The following MED13 variants were observed in gnomAD, a reference collection of about 807,000 sequenced individuals.
MED13 encodes the protein mediator of RNA polymerase II transcription subunit 13.
Under a neutral mutation model 225.2 loss-of-function variants are expected in MED13, and 23 were observed. The ratio of observed to expected loss-of-function variants is 0.10; its 90% CI spans 0.07 to 0.14. The LOEUF (loss-of-function observed/expected upper bound fraction) is 0.14. Among genes scored for constraint, MED13 ranks in the 10% least tolerant of loss-of-function variants. The pLI is 1.00. For synonymous variants in MED13, 942 were observed against 889.2 expected (o/e 1.06, Z -1.06); for missense variants, 2,197 against 2,594.5 (o/e 0.85, Z 3.33).
chr17:62,021,202 G>C (rs1387390357), intron 8 of MED13, among the ~76,000 whole-genome samples: 1 of 150,952 alleles, frequency 6.6e-6, no homozygotes, highest in African/African-American at 2.4e-5. Context: ...TGAGCTGTTG[G>C]GTACACCTCC....
chr17:61,976,598 G>A (rs1307091421), intron 16 of MED13, among the ~76,000 whole-genome samples: 1 of 152,120 alleles, frequency 6.6e-6, no homozygotes, highest in Non-Finnish European at 1.5e-5. Context: ...TTAGAACAGA[G>A]CTTTGTCTAT....
At chr17:62,044,670 T>C (rs2080883509) in intron 3 of MED13, among the ~76,000 whole-genome samples, 1 of 152,248 alleles carries the variant, frequency 6.6e-6, no homozygotes, top group African/African-American at 2.4e-5. Context: ...TACTCTATAT[T>C]GCCTTTTTTG....
At chr17:61,976,574 T>C (rs2080158219) in intron 16 of MED13, among the ~76,000 whole-genome samples, 2 of 152,360 alleles carry the variant, frequency 1.3e-5, no homozygotes, top group African/African-American at 2.4e-5. Context: ...TCAGCAAGTA[T>C]GTATTTTTTA....
chr17:62,023,491 G>A (rs1413906850), intron 8 of MED13, among the ~76,000 whole-genome samples: 1 of 152,134 alleles, frequency 6.6e-6, no homozygotes, highest in Non-Finnish European at 1.5e-5. Context: ...ATGAGGAAGG[G>A]GCTGTGTTAA....
At chr17:62,036,657 T>G (rs980348157) in intron 3 of MED13, among the ~76,000 whole-genome samples, 1 of 152,122 alleles carries the variant, frequency 6.6e-6, no homozygotes, top group Non-Finnish European at 1.5e-5. Context: ...ATAGTAAAAG[T>G]AATGCTAGAG....
intron 6 of MED13, chr17:62,030,673 T>C (rs984915802): frequency 2.2e-4 from 34 of 152,356 alleles, no homozygotes; most frequent in African/African-American, 7.0e-4. Flanking sequence ...TTCCCCTCCA[T>C]TGTAAAAAGC....
At chr17:61,994,853 G>C (rs2080333855) in intron 10 of MED13, among the ~76,000 whole-genome samples, 1 of 152,110 alleles carries the variant, frequency 6.6e-6, no homozygotes, top group African/African-American at 2.4e-5. Flanking sequence ...GGGATTACAA[G>C]GCGCACACCA....
chr17:61,948,960 C>T (rs1055878610), intron 28 of MED13, among the ~76,000 whole-genome samples: 2 of 149,816 alleles, frequency 1.3e-5, no homozygotes, highest in South Asian at 2.1e-4. Flanking sequence ...TAGTGGCGGG[C>T]GCCTGTAGTC....
At chr17:61,988,654 C>T (rs896535116) in intron 11 of MED13, among the ~76,000 whole-genome samples, 1 of 152,094 alleles carries the variant, frequency 6.6e-6, no homozygotes, top group Non-Finnish European at 1.5e-5. Context: ...CAAGAAGGGG[C>T]TTACATGTTT....
chr17:61,947,194 G>GTTT (rs375146013), intron 28 of MED13, among the ~76,000 whole-genome samples, 177 bp from the exon 29 acceptor site: 8 of 127,774 alleles, frequency 6.3e-5, no homozygotes, highest in African/African-American at 2.0e-4. Flanking sequence ...TTATAGAAAT[G>GTTT]TTTTTTTTTT....
chr17:62,062,806 G>C (rs1277105549), intron 2 of MED13, among the ~76,000 whole-genome samples: 2 of 151,846 alleles, frequency 1.3e-5, no homozygotes, highest in Admixed American at 6.6e-5. Flanking sequence ...TGCCTTCTTC[G>C]GGCCCTAACT....
chr17:62,007,262 A>C (rs1345476592), intron 9 of MED13: 1 of 152,138 alleles, frequency 6.6e-6, no homozygotes, highest in East Asian at 1.9e-4. Context: ...AACAAAAAAC[A>C]ACCAGAAATA....
intron 2 of MED13, among the ~76,000 whole-genome samples, chr17:62,062,408 C>G (rs552740718): frequency 1.3e-5 from 2 of 152,200 alleles, no homozygotes; most frequent in East Asian, 3.9e-4. Context: ...TTTGTGTAAC[C>G]TTTTAGATTA....
chr17:61,988,388 A>G (rs141735718), intron 11 of MED13, among the ~76,000 whole-genome samples: 12 of 152,342 alleles, frequency 7.9e-5, no homozygotes, highest in African/African-American at 2.4e-4. Context: ...CACAAGAAAA[A>G]CAATTTGATA....
intron 8 of MED13, among the ~76,000 whole-genome samples, chr17:62,014,670 T>C (rs1311257170): frequency 6.6e-6 from 1 of 152,138 alleles, no homozygotes; most frequent in Non-Finnish European, 1.5e-5. Context: ...AGGAACTAAT[T>C]TTTTAAGAGA....
chr17:61,943,557 A>G lies in MED13; in HGVS notation c.*2911T>C, dbSNP rs1251949127. 6.6e-6 allele frequency: 1 copy of G among 152,622 alleles called. No individual in the cohort carries two copies. Among genetic ancestry groups the G allele is most frequent in the African/African-American group, 2.4e-5 (1 of 41,456 alleles). 9.5% of individuals were successfully genotyped at this position (152,622 alleles called of 1,614,324 possible). A position where few individuals can be genotyped will look rare whatever the true frequency, so the allele number is the denominator to read the frequency against. On this transcript the variant is annotated 3_prime_UTR_variant, in exon 30 of 30. Coordinates refer to ENST00000397786, the MANE Select transcript of MED13 (RefSeq NM_005121.3). ...TGAGGATAGTTGACTAAGTAGTAAG[A>G]GCTTAATTTTAGTGGTTTAAGAAAA...
intron 17 of MED13, among the ~76,000 whole-genome samples, chr17:61,970,657 G>A (rs186743775): frequency 1.4e-5 from 2 of 138,082 alleles, no homozygotes; most frequent in South Asian, 2.4e-4. Context: ...ACTCCAGTCT[G>A]GGCAAGAGAG....
intron 8 of MED13, among the ~76,000 whole-genome samples, chr17:62,022,165 CAAAA>C (rs35035293): frequency 7.5e-6 from 1 of 133,812 alleles, no homozygotes; most frequent in African/African-American, 2.8e-5. Context: ...AAGACTGTCT[CAAAA>C]AAAAAATATA....
chr17:61,994,554 CAA>C (rs1410202535), intron 10 of MED13, among the ~76,000 whole-genome samples: 1 of 152,246 alleles, frequency 6.6e-6, no homozygotes, highest in East Asian at 1.9e-4. Context: ...AAATCACTGT[CAA>C]AATAGCCTAC....
Sources: gnomAD v4.1 joint callset for allele counts (sites outside exome capture counted in the v4.1 genomes callset) on GRCh38, gnomAD v4.1.1 for gene constraint, MANE v1.5 for transcripts, NCBI Gene and HGNC (gene_info 2026-07-23, HGNC 2026-07-21) for gene names.